UBTD1: variants seen among roughly 807,000 people sequenced by gnomAD.
UBTD1 encodes ubiquitin domain containing 1.
Under a neutral mutation model 21.7 loss-of-function variants are expected in UBTD1, and 19 were observed. The ratio of observed to expected loss-of-function variants is 0.87; its 90% CI spans 0.61 to 1.28. UBTD1 has a LOEUF of 1.28. Among genes scored for constraint, UBTD1 ranks in the 50% most tolerant of loss-of-function variants. The pLI is 0.00. For missense variants in UBTD1, 282 were observed against 315.1 expected (o/e 0.89, Z 0.80); for synonymous variants, 116 against 135.1 (o/e 0.86, Z 0.98).
In UBTD1 at chr10:97,561,427, G is replaced by A. The variant is rs1342974922; in HGVS notation, c.71-6487G>A. 2.0e-5 allele frequency among the ~76,000 whole-genome samples: 3 copies of A among 152,226 alleles called. No homozygotes were observed. In the East Asian group the frequency reaches 5.8e-4, roughly 29 times the overall value. ...TCTGCAAGCTACTGCCTTAAAATCCGAGCTCCCTGAATGCACAATTTCTGT... is the reference window on the plus strand; with the variant it reads ...TCTGCAAGCTACTGCCTTAAAATCCAAGCTCCCTGAATGCACAATTTCTGT... On this transcript the variant is annotated intron_variant, in intron 1 of 2. Coordinates refer to ENST00000370664, the MANE Select transcript of UBTD1 (RefSeq NM_024954.5).
At chr10:97,552,457 G>A (rs1377236078) in intron 1 of UBTD1, among the ~76,000 whole-genome samples, 1 of 148,200 alleles carries the variant, frequency 6.7e-6, no homozygotes, top group Admixed American at 6.8e-5. Context: ...GTGCAGTGGT[G>A]CAATCTTGGC....
intron 1 of UBTD1, among the ~76,000 whole-genome samples, chr10:97,537,639 T>C (rs1352750490): frequency 6.6e-6 from 1 of 151,602 alleles, no homozygotes; most frequent in Non-Finnish European, 1.5e-5. Flanking sequence ...GGGAGGAGGG[T>C]GAGGCTTGCT....
At chr10:97,501,584 C>G (rs1212527109) in intron 1 of UBTD1, among the ~76,000 whole-genome samples, 1 of 152,066 alleles carries the variant, frequency 6.6e-6, no homozygotes, top group Non-Finnish European at 1.5e-5. Flanking sequence ...CAGAGCGAGA[C>G]TCTGTCTCAA....
chr10:97,534,577 G>GCACA (rs1325135188), intron 1 of UBTD1, among the ~76,000 whole-genome samples: 15,054 of 87,920 alleles, frequency 0.17, 900 homozygotes, highest in East Asian at 0.35. Context: ...ACACGCGCGC[G>GCACA]CGCACACACA....
intron 1 of UBTD1, among the ~76,000 whole-genome samples, chr10:97,550,907 C>G (rs986440753): frequency 1.3e-5 from 2 of 152,160 alleles, no homozygotes; most frequent in African/African-American, 2.4e-5. Flanking sequence ...CCATCATTAT[C>G]CTCCTCCAGC....
Position 97,556,711 on chromosome 10 carries a change from G to A in UBTD1, c.71-11203G>A, listed in dbSNP as rs992714059. ...CAGTAAGAAGAAAGATGACTTAATG[G>A]TGCCAATTACACAGCTACCTGTCCA... On this transcript the variant is annotated intron_variant, in intron 1 of 2. Coordinates refer to ENST00000370664, the MANE Select transcript of UBTD1 (RefSeq NM_024954.5). Among the ~76,000 whole-genome samples, 6 of 152,318 alleles carry A rather than the reference G, an allele frequency of 3.9e-5. No homozygotes were observed. The South Asian group carries it at 1.2e-3, about 32-fold the overall frequency.
At chr10:97,508,493 T>C (rs2135655932) in intron 1 of UBTD1, among the ~76,000 whole-genome samples, 1 of 152,292 alleles carries the variant, frequency 6.6e-6, no homozygotes. Context: ...GTGGTTATGA[T>C]GCTAAGAGAC....
chr10:97,502,461 A>G (rs551728536), intron 1 of UBTD1, among the ~76,000 whole-genome samples: 2 of 152,294 alleles, frequency 1.3e-5, no homozygotes, highest in Non-Finnish European at 2.9e-5. Flanking sequence ...CACTAATGTA[A>G]TGGGAAGAAA....
In UBTD1 at chr10:97,568,077, T is replaced by G; in HGVS notation, c.234T>G (p.Ala78=). Residue 78 remains alanine, a synonymous_variant, in exon 2 of 3, where the codon GCT becomes GCG. Transcript: ENST00000370664. ...CCCTCAAGGCTGCCGCCTATGCTGCTGAAGCCAACGACCACGAGCTGGCCC... is the reference window on the plus strand; with the variant it reads ...CCCTCAAGGCTGCCGCCTATGCTGCGGAAGCCAACGACCACGAGCTGGCCC... ...WDALKAAAYA[A]EANDHELAQA... 6.2e-7 allele frequency: 1 copy of G among 1,613,894 alleles called. No individual in the cohort carries two copies. Among genetic ancestry groups the G allele is most frequent in the Non-Finnish European group, 8.5e-7 (1 of 1,180,036 alleles).
At chr10:97,554,249 T>G (rs1325573171) in intron 1 of UBTD1, among the ~76,000 whole-genome samples, 1 of 148,852 alleles carries the variant, frequency 6.7e-6, no homozygotes, top group Non-Finnish European at 1.5e-5. Flanking sequence ...TTGTTTTCGT[T>G]TTTTTTTTTT....
chr10:97,540,280 T>C (rs780577807), intron 1 of UBTD1, among the ~76,000 whole-genome samples: 1 of 152,210 alleles, frequency 6.6e-6, no homozygotes, highest in Non-Finnish European at 1.5e-5. Context: ...TGGAATTAGA[T>C]GGAAAGAGGT....
chr10:97,532,436 AGG>A, intron 1 of UBTD1, among the ~76,000 whole-genome samples: 1 of 151,806 alleles, frequency 6.6e-6, no homozygotes, highest in East Asian at 1.9e-4. Context: ...TCCCGAGGTC[AGG>A]AGTTCAAGAC....
chr10:97,516,810 G>C (rs2135661543), intron 1 of UBTD1, among the ~76,000 whole-genome samples: 1 of 152,198 alleles, frequency 6.6e-6, no homozygotes, highest in Admixed American at 6.5e-5. Context: ...ATCTCCTACA[G>C]TCAGGGGATG....
intron 1 of UBTD1, among the ~76,000 whole-genome samples, chr10:97,531,063 A>C (rs1693675661): frequency 6.6e-6 from 1 of 150,586 alleles, no homozygotes; most frequent in South Asian, 2.1e-4. Flanking sequence ...AATTTTTTGT[A>C]CTTTTAGTAG....
chr10:97,545,107 G>T (rs545576161), intron 1 of UBTD1, among the ~76,000 whole-genome samples: 15 of 151,806 alleles, frequency 9.9e-5, no homozygotes, highest in Non-Finnish European at 1.9e-4. Context: ...GGCTGAGGTG[G>T]GTGGATCACG....
At chr10:97,548,724 C>G (rs1221559205) in intron 1 of UBTD1, among the ~76,000 whole-genome samples, 1 of 152,214 alleles carries the variant, frequency 6.6e-6, no homozygotes, top group Non-Finnish European at 1.5e-5. Flanking sequence ...TTGCAGTGAG[C>G]TGAGATTGCG....
rs75411765 is a variant in UBTD1, at chr10:97,540,680, G to T, written c.71-27234G>T. ...GTCATGCACATAAGTGCAGAGCCAG[G>T]GTTCTCTCTCAGGTTTGGAATCTGA... On this transcript the variant is annotated intron_variant, in intron 1 of 2. Transcript: ENST00000370664. Among the ~76,000 whole-genome samples, 528 of 152,298 alleles carry T rather than the reference G, an allele frequency of 3.5e-3. 7 individuals are homozygous for T. Among genetic ancestry groups the T allele is most frequent in the African/African-American group, 0.012 (503 of 41,554 alleles).
chr10:97,536,596 G>A (rs763831151), intron 1 of UBTD1, among the ~76,000 whole-genome samples: 23 of 152,238 alleles, frequency 1.5e-4, no homozygotes, highest in African/African-American at 2.2e-4. Flanking sequence ...GTGGGCCCAG[G>A]GGCAGGGTGC....
intron 2 of UBTD1, among the ~76,000 whole-genome samples, chr10:97,569,008 A>T (rs1278266543): frequency 6.6e-6 from 1 of 152,136 alleles, no homozygotes; most frequent in Non-Finnish European, 1.5e-5. Context: ...TTTTTAGTAG[A>T]GACAGGGTTT....
Sources: gnomAD v4.1 joint callset for allele counts (sites outside exome capture counted in the v4.1 genomes callset) on GRCh38, gnomAD v4.1.1 for gene constraint, MANE v1.5 for transcripts, NCBI Gene and HGNC (gene_info 2026-07-23, HGNC 2026-07-21) for gene names.